PREX2: variants seen among roughly 807,000 people sequenced by gnomAD.
PREX2 encodes phosphatidylinositol-3,4,5-trisphosphate dependent Rac exchange factor 2.
A neutral mutation model predicts 203.2 loss-of-function variants in PREX2; 107 were observed. The observed-to-expected ratio is 0.53, with a 90% CI of 0.45 to 0.62. The LOEUF (loss-of-function observed/expected upper bound fraction) is 0.62. Ranked by LOEUF, PREX2 falls within the 20% of genes least tolerant of loss-of-function variation. The pLI is 0.00. For synonymous variants in PREX2, 672 were observed against 663.6 expected (o/e 1.01, Z -0.19); for missense variants, 1,777 against 1,955.9 (o/e 0.91, Z 1.72).
At chr8:68,205,711 G>A (rs559721527) in intron 37 of PREX2, among the ~76,000 whole-genome samples, 2 of 152,258 alleles carry the variant, frequency 1.3e-5, no homozygotes, top group African/African-American at 4.8e-5. Flanking sequence ...TTTCACAGTC[G>A]TGCTCTGTAA....
At chr8:68,017,986 GTAC>G (rs1421020849) in intron 2 of PREX2, 69 bp downstream of exon 2, 3 of 1,096,692 alleles carry the variant, frequency 2.7e-6, no homozygotes, top group Non-Finnish European at 4.1e-6. Context: ...TGGTGCCATG[GTAC>G]TTCACAGCCC....
intron 12 of PREX2, among the ~76,000 whole-genome samples, chr8:68,069,565 T>G (rs1480887343): frequency 6.8e-6 from 1 of 146,994 alleles, no homozygotes. Flanking sequence ...GTTAGAAATT[T>G]TATATTTTAA....
At chr8:68,002,328 G>T (rs1052943494) in intron 1 of PREX2, among the ~76,000 whole-genome samples, 1 of 151,880 alleles carries the variant, frequency 6.6e-6, no homozygotes, top group Admixed American at 6.6e-5. Flanking sequence ...TTGTATTTTA[G>T]TAGAGATAGT....
intron 4 of PREX2, among the ~76,000 whole-genome samples, chr8:68,026,717 A>C (rs1229410087): frequency 6.6e-6 from 1 of 152,076 alleles, no homozygotes; most frequent in African/African-American, 2.4e-5. Context: ...CTCAGAGATC[A>C]CTTGCTTAAA....
intron 30 of PREX2, among the ~76,000 whole-genome samples, chr8:68,122,532 G>A (rs1363103147): frequency 6.6e-6 from 1 of 152,018 alleles, no homozygotes; most frequent in Non-Finnish European, 1.5e-5. Context: ...CTGCTGAATA[G>A]ATGCCAGTAT....
intron 37 of PREX2, among the ~76,000 whole-genome samples, chr8:68,201,544 A>G (rs1812502331): frequency 6.6e-6 from 1 of 152,166 alleles, no homozygotes; most frequent in Non-Finnish European, 1.5e-5. Flanking sequence ...CTGGGAGGCT[A>G]AGCCAGTCTA....
At position 68,164,367 on chromosome 8, in the gene PREX2, C is replaced by T. The variant is rs182555803; in HGVS notation, c.4346+6931C>T. Among the ~76,000 whole-genome samples, 510 of 130,610 alleles carry T rather than the reference C, an allele frequency of 3.9e-3. 1 individual carries two copies. The highest frequency in any genetic ancestry group is 5.8e-3 in the Non-Finnish European group (343 of 59,540). 85.7% of individuals were successfully genotyped at this position (130,610 alleles called of 152,430 possible). A position where few individuals can be genotyped will look rare whatever the true frequency, so the allele number is the denominator to read the frequency against. On this transcript the variant is annotated intron_variant, in intron 35 of 39. Transcript: ENST00000288368. ...AATATGTATTATATATATATATATA[C>T]ACACACACACATATATATACACACA...
intron 35 of PREX2, among the ~76,000 whole-genome samples, chr8:68,179,280 A>G (rs1434268185): frequency 6.6e-6 from 1 of 152,174 alleles, no homozygotes; most frequent in Admixed American, 6.6e-5. Flanking sequence ...CAATTTCTTT[A>G]CTGAAGGCTG....
At chr8:67,987,192 TA>T (rs1806458906) in intron 1 of PREX2, among the ~76,000 whole-genome samples, 1 of 146,560 alleles carries the variant, frequency 6.8e-6, no homozygotes, top group African/African-American at 2.5e-5. Context: ...CACCACTAAC[TA>T]ATTTCTGATG....
In PREX2 at chr8:68,109,675, A is replaced by C. The variant is rs1461977535; in HGVS notation, c.3146+52A>C. On this transcript the variant is annotated intron_variant, in intron 25 of 39. Coordinates refer to ENST00000288368, the MANE Select transcript of PREX2 (RefSeq NM_024870.4). Reference sequence around the variant, plus strand: ...GTTTGCCAAATAAAATAGCCATAAAAATGTGGCTTAGAAAAATTCAATCAT... The same window carrying C: ...GTTTGCCAAATAAAATAGCCATAAACATGTGGCTTAGAAAAATTCAATCAT... 2.7e-6 allele frequency: 4 copies of C among 1,473,006 alleles called. No individual in the cohort carries two copies. In the African/African-American group the frequency reaches 5.6e-5, roughly 21 times the overall value. The allele number at this position is 1,473,006 out of a possible 1,614,324, so 91.2% of individuals were successfully genotyped here.
intron 35 of PREX2, among the ~76,000 whole-genome samples, chr8:68,186,997 T>C (rs916474827): frequency 2.0e-5 from 3 of 152,136 alleles, no homozygotes; most frequent in African/African-American, 7.2e-5. Context: ...CAACATGATC[T>C]AAACAGCTCT....
chr8:67,998,944 C>G (rs1034627966), intron 1 of PREX2, among the ~76,000 whole-genome samples: 1 of 152,128 alleles, frequency 6.6e-6, no homozygotes, highest in African/African-American at 2.4e-5. Context: ...AATTTATTTC[C>G]TTTAGGTTTC....
In PREX2 at chr8:67,975,272, G is replaced by GTTTTTTTTTTTTTTT. The variant is rs75276095; in HGVS notation, c.141+22750_141+22764dup. Among the ~76,000 whole-genome samples, 3 of 96,822 alleles carry GTTTTTTTTTTTTTTT rather than the reference G, an allele frequency of 3.1e-5. 1 individual carries two copies. The highest frequency in any genetic ancestry group is 9.0e-5 in the African/African-American group (2 of 22,174). The allele number at this position is 96,822 out of a possible 152,430, so 63.5% of individuals were successfully genotyped here. ...GGCTGATGTTACCTGCACACGGCCT[G>GTTTTTTTTTTTTTTT]TTTTTTTTTTTTTTTTTTTTTTTTT... On this transcript the variant is annotated intron_variant, in intron 1 of 39. Transcript: ENST00000288368.
At chr8:68,161,263 T>G (rs1365468854) in intron 35 of PREX2, among the ~76,000 whole-genome samples, 1 of 151,872 alleles carries the variant, frequency 6.6e-6, no homozygotes, top group Non-Finnish European at 1.5e-5. Context: ...CCCGGCTAAT[T>G]TTTGTATTTT....
At chr8:68,069,811 T>G in intron 12 of PREX2, 24 bp from the exon 13 acceptor site, 3 of 1,311,162 alleles carry the variant, frequency 2.3e-6, no homozygotes, top group Non-Finnish European at 3.2e-6. Flanking sequence ...TCACTTGTTT[T>G]TGATATATCT....
At chr8:68,000,019 G>GGC (rs1806893043) in intron 1 of PREX2, among the ~76,000 whole-genome samples, 1 of 151,994 alleles carries the variant, frequency 6.6e-6, no homozygotes, top group South Asian at 2.1e-4. Flanking sequence ...ATACTGAATG[G>GGC]GCAAAAGCTG....
At chr8:68,120,871 T>G in intron 29 of PREX2, 50 bp from the exon 30 acceptor site, 1 of 1,552,802 alleles carries the variant, frequency 6.4e-7, no homozygotes, top group Non-Finnish European at 8.8e-7. Context: ...AAAGGCTTCA[T>G]TGTTTAGGAA....
intron 35 of PREX2, among the ~76,000 whole-genome samples, chr8:68,178,874 A>G (rs1257183391): frequency 2.6e-5 from 4 of 152,202 alleles, no homozygotes; most frequent in Non-Finnish European, 5.9e-5. Flanking sequence ...TTGTATTGCA[A>G]TCAATAAATT....
At chr8:68,188,314 A>T (rs1013208579) in intron 35 of PREX2, among the ~76,000 whole-genome samples, 1 of 152,198 alleles carries the variant, frequency 6.6e-6, no homozygotes, top group Non-Finnish European at 1.5e-5. Flanking sequence ...CAAAAAAACT[A>T]AATAAAAATA....
Sources: gnomAD v4.1 joint callset for allele counts (sites outside exome capture counted in the v4.1 genomes callset) on GRCh38, gnomAD v4.1.1 for gene constraint, MANE v1.5 for transcripts, NCBI Gene and HGNC (gene_info 2026-07-23, HGNC 2026-07-21) for gene names.